The following VCAN variants were observed in gnomAD, a reference collection of about 807,000 sequenced individuals.
VCAN encodes the protein versican core protein.
In VCAN, 44 loss-of-function variants were observed where a neutral mutation model predicts 245.5. The observed-to-expected ratio is 0.18, with a 90% confidence interval of 0.14 to 0.23. VCAN has a LOEUF of 0.23. VCAN is among the 10% of genes least tolerant of loss of function. The pLI, the probability that VCAN is intolerant of heterozygous loss-of-function variation, is 1.00. For synonymous variants in VCAN, 1,413 were observed against 1,437.0 expected (o/e 0.98, Z 0.38); for missense variants, 3,793 against 4,057.9 (o/e 0.93, Z 1.77).
At position 83,581,702 on chromosome 5, in the gene VCAN, G is replaced by A. The variant is rs1474593730; in HGVS notation, c.*1268G>A. 2 of 152,126 alleles carry A rather than the reference G, an allele frequency of 1.3e-5. No individual in the cohort carries two copies. Among genetic ancestry groups the A allele is most frequent in the Non-Finnish European group, 2.9e-5 (2 of 68,024 alleles). The allele number at this position is 152,126 out of a possible 1,614,324, so 9.4% of individuals were successfully genotyped here. On this transcript the variant is annotated 3_prime_UTR_variant, in exon 15 of 15. Transcript: ENST00000265077. ...ATGAGCGAATATATAGAAATAGTGT[G>A]GGCATTTCTTCCTGTTAGGTGGAGT...
chr5:83,513,217 A>G (rs1745724027), intron 6 of VCAN, among the ~76,000 whole-genome samples: 1 of 152,200 alleles, frequency 6.6e-6, no homozygotes, highest in African/African-American at 2.4e-5. Context: ...AACCATCTAT[A>G]CTATGCTAGC....
intron 5 of VCAN, among the ~76,000 whole-genome samples, chr5:83,508,258 A>C (rs539533727): frequency 6.6e-6 from 1 of 152,198 alleles, no homozygotes; most frequent in Non-Finnish European, 1.5e-5. Flanking sequence ...GTTGACACAT[A>C]CCAGAAACTT....
In VCAN at chr5:83,512,359, T is replaced by C. The variant is rs2112391733; in HGVS notation, c.1005T>C (p.Pro335=). 2 of 1,610,736 alleles carry C rather than the reference T, an allele frequency of 1.2e-6. No individual in the cohort carries two copies. The highest frequency in any genetic ancestry group is 1.1e-5 in the South Asian group (1 of 90,976). ...GTTTTGAGAACCAGACAGGCTTCCC[T>C]CCCCCTGATAGCAGATTTGATGCCT... The part of the protein sequence containing the change: ...LYRFENQTGF[P]PPDSRFDAYC... The change falls in exon 6 of 15, where the codon CCT becomes CCC. Residue 335 remains proline, a synonymous_variant. Coordinates refer to ENST00000265077, the MANE Select transcript of VCAN (RefSeq NM_004385.5).
intron 10 of VCAN, among the ~76,000 whole-genome samples, chr5:83,550,405 T>G (rs1249277140): frequency 6.6e-6 from 1 of 152,190 alleles, no homozygotes; most frequent in Non-Finnish European, 1.5e-5. Flanking sequence ...CATTGAATGA[T>G]TTTTAAGAAA....
chr5:83,548,167 C>A, intron 10 of VCAN, 83 bp downstream of exon 10: 1 of 997,518 alleles, frequency 1.0e-6, no homozygotes, highest in Non-Finnish European at 1.6e-6. Context: ...ATCTTTCCTG[C>A]AGTGGAAATT....
chr5:83,580,227 CG>C, intron 14 of VCAN, 65 bp downstream of exon 14: 1 of 1,613,672 alleles, frequency 6.2e-7, no homozygotes, highest in South Asian at 1.1e-5. Context: ...CTTCATTTTA[CG>C]GCTGTGGTAT....
At chr5:83,554,666 A>T (rs1306773840) in intron 11 of VCAN, among the ~76,000 whole-genome samples, 1 of 152,212 alleles carries the variant, frequency 6.6e-6, no homozygotes, top group Non-Finnish European at 1.5e-5. Flanking sequence ...GAAAATTTCT[A>T]TCATGAGTGA....
intron 12 of VCAN, among the ~76,000 whole-genome samples, chr5:83,558,396 A>T (rs540069368): frequency 1.5e-3 from 232 of 152,094 alleles, no homozygotes; most frequent in Non-Finnish European, 2.5e-3. Flanking sequence ...TTTTGGAGTG[A>T]TTTCTCTCCT....
chr5:83,482,980 A>T (rs1050251536), intron 1 of VCAN, among the ~76,000 whole-genome samples: 32 of 152,186 alleles, frequency 2.1e-4, no homozygotes, highest in African/African-American at 7.7e-4. Context: ...CGAAGTCCTT[A>T]TTCTCTGTTT....
rs200695103 is a variant in VCAN at position 83,511,572 on chromosome 5, T to TA, written c.749-531_749-530insA. Among the ~76,000 whole-genome samples the TA allele has an allele frequency of 7.3e-4, 106 of 145,332 alleles. 1 individual carries two copies. Among genetic ancestry groups the TA allele is most frequent in the East Asian group, 4.6e-3 (23 of 5,040 alleles). On this transcript the variant is annotated intron_variant, in intron 5 of 14. Coordinates refer to ENST00000265077, the MANE Select transcript of VCAN (RefSeq NM_004385.5). ...TTCACATTTCTGGAGGTTTTCTTAT[T>TA]TTTTTTTTTTTTTATTTAATGGCGT...
In VCAN at chr5:83,520,706, A is replaced by G. The variant is rs754048076; in HGVS notation, c.2400A>G (p.Val800=). 16 of 1,614,030 alleles carry G rather than the reference A, an allele frequency of 9.9e-6. No individual in the cohort carries two copies. The Middle Eastern group carries it at 4.9e-4, about 50-fold the overall frequency. ...CTTTAAGTGTTGAAGCAGCCACTGT[A>G]TCAAAATGGTCATGGGATGAAGATA... is the stretch of plus-strand genomic sequence containing the variant. ...HGTLSVEAAT[V]SKWSWDEDNT... is the part of the protein sequence containing the mutation. Residue 800 remains valine, a synonymous_variant, in exon 7 of 15, where the codon GTA becomes GTG. Transcript: ENST00000265077.
At position 83,538,805 on chromosome 5, in the gene VCAN, C is replaced by T; in HGVS notation, c.5802C>T (p.Phe1934=). The T allele has an allele frequency of 1.2e-6, 2 of 1,613,952 alleles. No individual in the cohort carries two copies. Among genetic ancestry groups the T allele is most frequent in the Non-Finnish European group, 1.7e-6 (2 of 1,179,974 alleles). The part of the protein sequence containing the change: ...FSTGFPLEED[F]SGDFREYSTV... The stretch of plus-strand genomic sequence containing the variant: ...CAGGTTTTCCTTTGGAGGAAGATTT[C>T]AGTGGTGACTTTAGAGAATACTCAA... The change falls in exon 8 of 15, where the codon TTC becomes TTT. Residue 1934 remains phenylalanine (F), a synonymous_variant. Coordinates refer to ENST00000265077, the MANE Select transcript of VCAN (RefSeq NM_004385.5).
In VCAN at chr5:83,519,431, T is replaced by C. The variant is rs1745984766; in HGVS notation, c.1125T>C (p.Ser375=). 1.2e-6 allele frequency: 2 copies of C among 1,614,162 alleles called. No homozygotes were observed. Among genetic ancestry groups the C allele is most frequent in the Non-Finnish European group, 1.7e-6 (2 of 1,179,966 alleles). ...PSLSKEPQMV[S]DRTTPIIPLV... is the part of the protein sequence containing the mutation. ...TATCCAAAGAACCACAAATGGTTTC[T>C]GATAGAACTACACCAATCATCCCTT... The change falls in exon 7 of 15, where the codon TCT becomes TCC. Residue 375 remains serine, a synonymous_variant. Transcript: ENST00000265077.
chr5:83,489,570 C>A (rs898012191), intron 2 of VCAN, among the ~76,000 whole-genome samples: 2 of 152,192 alleles, frequency 1.3e-5, no homozygotes, highest in Non-Finnish European at 2.9e-5. Context: ...AAATGTTAGG[C>A]TTTCCCTGGT....
intron 7 of VCAN, among the ~76,000 whole-genome samples, chr5:83,529,799 A>G (rs558108060): frequency 6.6e-6 from 1 of 152,278 alleles, no homozygotes; most frequent in African/African-American, 2.4e-5. Context: ...ATACTCCTTC[A>G]GTGACTAGAA....
chr5:83,511,572 T>A (rs1561238591), intron 5 of VCAN, among the ~76,000 whole-genome samples: 1 of 145,288 alleles, frequency 6.9e-6, no homozygotes, highest in Non-Finnish European at 1.5e-5. Flanking sequence ...GTTTTCTTAT[T>A]TTTTTTTTTT....
rs767297152 is a variant in VCAN, at chr5:83,540,497, C to G, written c.7494C>G (p.Ser2498Arg). The change falls in exon 8 of 15, where the codon AGC becomes AGG. Residue 2498 changes from serine (S) to arginine (R), a missense_variant. This residue lies in a region of VCAN where 3,182 missense variants were observed against 3,250.3 expected (regional missense o/e 0.98). Transcript: ENST00000265077. ...MLPLHSEQNK[S>R]SPDPTSTLSN... ...CTCTTCATTCAGAGCAGAACAAAAG[C>G]TCCCCTGATCCAACTAGCACACTGT... The G allele has an allele frequency of 2.5e-6, 4 of 1,613,968 alleles. No individual in the cohort carries two copies. In the Admixed American group the frequency reaches 6.7e-5, roughly 27 times the overall value.
intron 6 of VCAN, among the ~76,000 whole-genome samples, chr5:83,518,567 A>T (rs1056011464): frequency 2.6e-5 from 4 of 152,200 alleles, no homozygotes; most frequent in African/African-American, 9.7e-5. Context: ...TCCTTAGGAG[A>T]TACAAACAGA....
intron 12 of VCAN, among the ~76,000 whole-genome samples, chr5:83,570,439 A>G (rs774408749): frequency 1.1e-4 from 17 of 152,208 alleles, no homozygotes; most frequent in Non-Finnish European, 1.9e-4. Context: ...GTAGGTTTTC[A>G]AACTTTAGAT....
Sources: allele counts gnomAD v4.1 joint callset (sites outside exome capture counted in the v4.1 genomes callset), GRCh38; gene constraint gnomAD v4.1.1; regional missense constraint gnomAD v4.1.1; transcripts MANE v1.5; gene names NCBI Gene and HGNC (gene_info 2026-07-23, HGNC 2026-07-21).